The following ADGRD1 variants were observed in gnomAD, a reference collection of about 807,000 sequenced individuals.
ADGRD1 encodes the protein G-protein coupled receptor 133.
In ADGRD1, 77 loss-of-function variants were observed where a neutral mutation model predicts 113.4. That is an observed-to-expected ratio of 0.68 (90% CI 0.57 to 0.82). The LOEUF (loss-of-function observed/expected upper bound fraction) is 0.82, where lower values mean the gene tolerates loss of function less well. ADGRD1 is among the 40% of genes least tolerant of loss of function. The probability of loss-of-function intolerance (pLI) is 0.00; values close to 1 mark genes in which losing one functional copy is unlikely to be tolerated. For missense variants in ADGRD1, 1,036 were observed against 1,139.1 expected (o/e 0.91, Z 1.30); for synonymous variants, 474 against 475.0 (o/e 1.00, Z 0.03).
Position 131,137,156 on chromosome 12 carries a change from T to C in ADGRD1, c.2436+142T>C, listed in dbSNP as rs551452381. On this transcript the variant is annotated intron_variant, in intron 23 of 24. Transcript: ENST00000261654. ...AGCCAGCCACGTTCCTGATGCCAAG[T>C]TGTGTGCCCTGGGGCCTGCTGCTGA... 21 of 727,356 alleles carry C rather than the reference T, an allele frequency of 2.9e-5. No individual in the cohort carries two copies. The South Asian group carries it at 3.2e-4, about 11-fold the overall frequency. The allele number at this position is 727,356 out of a possible 1,614,324, so 45.1% of individuals were successfully genotyped here.
chr12:131,105,848 C>T lies in ADGRD1; in HGVS notation c.1870C>T (p.Arg624Cys), dbSNP rs117457351. 5.8e-5 allele frequency: 93 copies of T among 1,598,906 alleles called. 1 individual carries two copies. The African/African-American group carries it at 8.8e-4, about 15-fold the overall frequency. The change falls in exon 17 of 25, where the codon CGC becomes TGC. Residue 624 changes from arginine (R) to cysteine (C), a missense_variant. Arg to Cys is a radical substitution (Grantham distance 180). Transcript: ENST00000261654. ...VAQVLLLISF[R>C]LEPGTTPCQV... is the part of the protein sequence containing the mutation. ...CCAGGTCCTGCTGCTCATTAGTTTC[C>T]GCCTCGAGCCGGGCACGGTGAGTGG...
chr12:130,972,880 A>G (rs1159275093), intron 4 of ADGRD1, among the ~76,000 whole-genome samples: 2 of 152,154 alleles, frequency 1.3e-5, no homozygotes, highest in African/African-American at 4.8e-5. Context: ...ACTATCACAG[A>G]TAATGAACCC....
chr12:131,099,983 G>C (rs148478593), intron 15 of ADGRD1, among the ~76,000 whole-genome samples: 2 of 152,200 alleles, frequency 1.3e-5, no homozygotes, highest in East Asian at 1.9e-4. Context: ...GAGGTTTGCT[G>C]GTGGTAAGTT....
At chr12:131,028,958 T>C (rs1486951771) in intron 13 of ADGRD1, among the ~76,000 whole-genome samples, 2 of 152,236 alleles carry the variant, frequency 1.3e-5, no homozygotes, top group African/African-American at 4.8e-5. Flanking sequence ...TAACCATTTA[T>C]CCAGCCATGG....
chr12:131,024,184 G>T (rs1440965001), intron 13 of ADGRD1: 1 of 152,444 alleles, frequency 6.6e-6, no homozygotes, highest in Non-Finnish European at 1.5e-5. Flanking sequence ...AGAGCGGCCT[G>T]GGGGGAGTTG....
Position 131,030,413 on chromosome 12 carries a change from G to A in ADGRD1, c.1473+16073G>A, listed in dbSNP as rs576503224. Among the ~76,000 whole-genome samples, 4 of 152,328 alleles carry A rather than the reference G, an allele frequency of 2.6e-5. No individual in the cohort carries two copies. In the South Asian group the frequency reaches 6.2e-4, roughly 24 times the overall value. ...TTGTTGGGGCAGTGGCTCTATCTCC[G>A]AGAATGCAGCTAGATCTCAGAATGC... On this transcript the variant is annotated intron_variant, in intron 13 of 24. Coordinates refer to ENST00000261654, the MANE Select transcript of ADGRD1 (RefSeq NM_198827.5).
In ADGRD1 at chr12:131,078,373, G is replaced by A. The variant is rs138644285; in HGVS notation, c.1547+1499G>A. Among the ~76,000 whole-genome samples the A allele has an allele frequency of 3.2e-3, 488 of 152,374 alleles. 1 individual carries two copies. The highest frequency in any genetic ancestry group is 0.011 in the African/African-American group (453 of 41,596). On this transcript the variant is annotated intron_variant, in intron 14 of 24. Coordinates refer to ENST00000261654, the MANE Select transcript of ADGRD1 (RefSeq NM_198827.5). ...TCGGCGTCTGGCTATGACCGTTGGC[G>A]TCATGCCTCTGCAATGTGGATTGAT...
intron 8 of ADGRD1, among the ~76,000 whole-genome samples, 195 bp from the exon 9 acceptor site, chr12:131,000,188 A>G (rs1183187686): frequency 6.6e-6 from 1 of 152,256 alleles, no homozygotes; most frequent in African/African-American, 2.4e-5. Flanking sequence ...CCACAGGAGC[A>G]AATAAGATAA....
intron 4 of ADGRD1, among the ~76,000 whole-genome samples, chr12:130,975,337 G>A (rs1251507275): frequency 1.3e-5 from 2 of 152,182 alleles, no homozygotes; most frequent in Non-Finnish European, 2.9e-5. Context: ...TTGGTCTTCA[G>A]CTCAGTGAGG....
chr12:131,027,655 G>A lies in ADGRD1; in HGVS notation c.1473+13315G>A, dbSNP rs1399279881. ...GATCTGTGTTTATTTACTGAGGGGA[G>A]CAGGTAGAATTGTAGAGTCACAGAG... On this transcript the variant is annotated intron_variant, in intron 13 of 24. Transcript: ENST00000261654. The surrounding 1 kb of genome is among the most constrained non-coding windows in gnomAD (Gnocchi z 5.1). 1 of 152,086 alleles carries A rather than the reference G, an allele frequency of 6.6e-6. No individual in the cohort carries two copies. Among genetic ancestry groups the A allele is most frequent in the Admixed American group, 6.6e-5 (1 of 15,266 alleles). 9.4% of individuals were successfully genotyped at this position (152,086 alleles called of 1,614,324 possible). A position where few individuals can be genotyped will look rare whatever the true frequency, so the allele number is the denominator to read the frequency against.
intron 13 of ADGRD1, among the ~76,000 whole-genome samples, chr12:131,017,524 C>T (rs1008024703): frequency 4.8e-5 from 7 of 145,774 alleles, no homozygotes; most frequent in Non-Finnish European, 4.5e-5. Context: ...CCACCCAGCA[C>T]AGACACACAC....
At chr12:131,011,942 C>T (rs895998254) in intron 12 of ADGRD1, among the ~76,000 whole-genome samples, 1 of 152,158 alleles carries the variant, frequency 6.6e-6, no homozygotes, top group Non-Finnish European at 1.5e-5. Flanking sequence ...TCAGGCTGGG[C>T]GCCGCGGGGC....
chr12:130,985,055 TGCCCAAGTA>T (rs1274317061), intron 5 of ADGRD1, among the ~76,000 whole-genome samples: 3 of 151,968 alleles, frequency 2.0e-5, no homozygotes. Flanking sequence ...CTACCTCAGT[TGCCCAAGTA>T]GCTGGGATTA....
At chr12:131,098,882 C>A (rs915331210) in intron 15 of ADGRD1, among the ~76,000 whole-genome samples, 4 of 152,242 alleles carry the variant, frequency 2.6e-5, no homozygotes, top group Admixed American at 6.5e-5. Flanking sequence ...TAGCAGGGGC[C>A]ATCACGGGTC....
At chr12:131,046,321 T>TCCTCCCTGGTCAGTGCTC (rs1566061810) in intron 13 of ADGRD1, among the ~76,000 whole-genome samples, 2 of 109,568 alleles carry the variant, frequency 1.8e-5, no homozygotes, top group African/African-American at 7.7e-5. Context: ...CTGGTCAGTG[T>TCCTCCCTGGTCAGTGCTC]CCTCCCTGGT....
intron 13 of ADGRD1, among the ~76,000 whole-genome samples, chr12:131,064,633 A>T (rs112800036): frequency 0.012 from 1,888 of 152,346 alleles, 23 homozygotes; most frequent in South Asian, 0.032. Context: ...TGTAAGGAAA[A>T]GTGTTGGCAC....
Position 130,979,815 on chromosome 12 carries a change from TCTCACACACACACACACACA to T in ADGRD1, c.311-2067_311-2048del, listed in dbSNP as rs1350329346. 6.4e-4 allele frequency among the ~76,000 whole-genome samples: 90 copies of T among 139,840 alleles called. 2 individuals are homozygous for T. Among genetic ancestry groups the T allele is most frequent in the South Asian group, 4.5e-3 (20 of 4,396 alleles). The allele number at this position is 139,840 out of a possible 152,430, so 91.7% of individuals were successfully genotyped here. ...GCAGAATCCAGACAGGCAGCTAGTG[TCTCACACACACACACACACA>T]CACACACACACACACACACACACAC... On this transcript the variant is annotated intron_variant, in intron 4 of 24. Transcript: ENST00000261654.
chr12:131,017,272 TCCACACACACCCAGTGCACA>T (rs1878677298), intron 13 of ADGRD1, among the ~76,000 whole-genome samples: 1 of 119,670 alleles, frequency 8.4e-6, no homozygotes, highest in Admixed American at 8.3e-5. Context: ...ACACACCCAG[TCCACACACACCCAGTGCACA>T]CAGTCCACAC....
At position 131,050,499 on chromosome 12, in the gene ADGRD1, A is replaced by G. The variant is rs1238979189; in HGVS notation, c.1474-26302A>G. ...CGGTTCTGCAGGGGGAACAGGAAGC[A>G]TGGTGCTGACCTCTGCTCAGCTTCT... is the stretch of plus-strand genomic sequence containing the variant. On this transcript the variant is annotated intron_variant, in intron 13 of 24. Coordinates refer to ENST00000261654, the MANE Select transcript of ADGRD1 (RefSeq NM_198827.5). This position sits in a 1 kb window ranked among gnomAD's most constrained non-coding sequence, Gnocchi z 4.8. Among the ~76,000 whole-genome samples, 2 of 152,266 alleles carry G rather than the reference A, an allele frequency of 1.3e-5. No homozygotes were observed. The highest frequency in any genetic ancestry group is 2.4e-5 in the African/African-American group (1 of 41,566).
Sources: gnomAD v4.1 joint callset for allele counts (sites outside exome capture counted in the v4.1 genomes callset) on GRCh38, gnomAD v4.1.1 for gene constraint, Gnocchi (gnomAD v3.1) non-coding constraint, MANE v1.5 for transcripts, NCBI Gene and HGNC (gene_info 2026-07-23, HGNC 2026-07-21) for gene names.